The following VIPAS39 variants were observed in gnomAD, a reference collection of about 807,000 sequenced individuals.
VIPAS39 encodes VPS33B interacting protein, apical-basolateral polarity regulator, spe-39 homolog, also known as spermatogenesis-defective protein 39 homolog.
In VIPAS39, 63 loss-of-function variants were observed where a neutral mutation model predicts 84.7. That is an observed-to-expected ratio of 0.74 (90% CI 0.61 to 0.92). The LOEUF (loss-of-function observed/expected upper bound fraction) is 0.92. VIPAS39 is among the 40% of genes least tolerant of loss of function. The pLI is 0.00. For missense variants in VIPAS39, 499 were observed against 604.5 expected (o/e 0.83, Z 1.83); for synonymous variants, 192 against 216.5 (o/e 0.89, Z 0.99).
chr14:77,428,327 C>G, intron 19 of VIPAS39, 43 bp downstream of exon 19: 3 of 1,567,168 alleles, frequency 1.9e-6, no homozygotes, highest in South Asian at 1.1e-5. Context: ...TGTGAACTGT[C>G]TGTCTCCTGA....
intron 11 of VIPAS39, 135 bp from the exon 12 acceptor site, chr14:77,438,016 G>A: frequency 1.2e-6 from 1 of 813,812 alleles, no homozygotes; most frequent in South Asian, 1.5e-5. Context: ...GAGGCGGGTG[G>A]GGGGATAGGC....
In VIPAS39 at chr14:77,427,514, C is replaced by A; in HGVS notation, c.*102G>T. The A allele has an allele frequency of 6.7e-7, 1 of 1,485,446 alleles. No individual in the cohort carries two copies. Among genetic ancestry groups the A allele is most frequent in the East Asian group, 2.3e-5 (1 of 43,938 alleles). The allele number at this position is 1,485,446 out of a possible 1,614,324, so 92.0% of individuals were successfully genotyped here. A position where few individuals can be genotyped will look rare whatever the true frequency, so the allele number is the denominator to read the frequency against. On this transcript the variant is annotated 3_prime_UTR_variant, in exon 20 of 20. Coordinates refer to ENST00000557658, the MANE Select transcript of VIPAS39 (RefSeq NM_001193315.2). ...GCTGGCACTGCCCATGGGTAATGGGCCCAAGCGATGTGATGCCGCAGCTCT... is the reference window on the plus strand; with the variant it reads ...GCTGGCACTGCCCATGGGTAATGGGACCAAGCGATGTGATGCCGCAGCTCT...
rs375063629 is a variant in VIPAS39, at chr14:77,436,053, G to A, written c.837-134C>T. On this transcript the variant is annotated intron_variant, in intron 12 of 19. Transcript: ENST00000557658. ...TCTGATCTCAGTTCACCTTTAGAGC[G>A]TCCCTTAAAGAAAGACATCGCATGA... 2.8e-5 allele frequency: 24 copies of A among 852,004 alleles called. No individual in the cohort carries two copies. The East Asian group carries it at 3.1e-4, about 11-fold the overall frequency. The allele number at this position is 852,004 out of a possible 1,614,324, so 52.8% of individuals were successfully genotyped here.
chr14:77,438,177 A>G (rs2078644330), intron 11 of VIPAS39, among the ~76,000 whole-genome samples: 1 of 152,186 alleles, frequency 6.6e-6, no homozygotes, highest in East Asian at 1.9e-4. Flanking sequence ...AGAACTCAAC[A>G]GCTACATGTG....
Position 77,444,119 on chromosome 14 carries a change from T to G in VIPAS39, c.597+130A>C, listed in dbSNP as rs965019041. On this transcript the variant is annotated intron_variant, in intron 8 of 19. Coordinates refer to ENST00000557658, the MANE Select transcript of VIPAS39 (RefSeq NM_001193315.2). ...CCCTTAAAGCACAGATTACTTAGAA[T>G]CCTACACCTCCAAGGGGAATCCAGG... 4 of 895,490 alleles carry G rather than the reference T, an allele frequency of 4.5e-6. No individual in the cohort carries two copies. The African/African-American group carries it at 6.7e-5, about 15-fold the overall frequency. The allele number at this position is 895,490 out of a possible 1,614,324, so 55.5% of individuals were successfully genotyped here.
intron 16 of VIPAS39, among the ~76,000 whole-genome samples, chr14:77,431,921 A>G (rs1366893541): frequency 1.3e-5 from 2 of 152,236 alleles, no homozygotes; most frequent in African/African-American, 4.8e-5. Flanking sequence ...TCCCTAAAAA[A>G]TAGCCAAGAT....
intron 2 of VIPAS39, 110 bp from the exon 3 acceptor site, chr14:77,453,511 C>G (rs1478893554): frequency 2.4e-5 from 24 of 998,374 alleles, no homozygotes; most frequent in Non-Finnish European, 3.4e-5. Context: ...CAACACTCGC[C>G]CTGTGCAATC....
At chr14:77,443,209 A>C in intron 8 of VIPAS39, 57 bp from the exon 9 acceptor site, 1 of 1,602,922 alleles carries the variant, frequency 6.2e-7, no homozygotes, top group Non-Finnish European at 8.5e-7. Flanking sequence ...TCATGCCCTG[A>C]GCACTACAGA....
intron 7 of VIPAS39, among the ~76,000 whole-genome samples, chr14:77,444,999 C>T (rs1379607278): frequency 6.6e-6 from 1 of 151,418 alleles, no homozygotes; most frequent in Non-Finnish European, 1.5e-5. Context: ...CGCTCTGTCG[C>T]CCAGGTTGGA....
At chr14:77,453,039 T>C (rs537484101) in intron 3 of VIPAS39, among the ~76,000 whole-genome samples, 21 of 152,274 alleles carry the variant, frequency 1.4e-4, no homozygotes, top group Admixed American at 3.9e-4. Context: ...GTATGTCATT[T>C]TAACAAGCAC....
At chr14:77,454,933 G>A (rs1319832908) in intron 1 of VIPAS39, among the ~76,000 whole-genome samples, 2 of 150,508 alleles carry the variant, frequency 1.3e-5, no homozygotes, top group Non-Finnish European at 2.9e-5. Context: ...TACAGTGAAT[G>A]AACAAATATT....
intron 7 of VIPAS39, 84 bp from the exon 8 acceptor site, chr14:77,444,425 A>G: frequency 1.7e-6 from 2 of 1,185,152 alleles, no homozygotes; most frequent in South Asian, 2.6e-5. Context: ...ATAAGCAATA[A>G]TGAAACAAAA....
Position 77,435,335 on chromosome 14 carries a change from C to A in VIPAS39, c.971G>T (p.Arg324Leu). The A allele has an allele frequency of 1.3e-6, 2 of 1,595,172 alleles. No homozygotes were observed. Among genetic ancestry groups the A allele is most frequent in the African/African-American group, 1.4e-5 (1 of 72,850 alleles). Residue 324 changes from arginine (R) to leucine (L), a missense_variant, in exon 14 of 20, where the codon CGC becomes CTC. Transcript: ENST00000557658. ...TGGCATGTTGAGGATGGAGGCTTTG[C>A]GGGGGTGCTTTCGGAAGATCTCAGT... ...GQTEIFRKHP[R>L]KASILNMPLV... is the part of the protein sequence containing the mutation.
chr14:77,442,685 G>C, intron 9 of VIPAS39, 23 bp from the exon 10 acceptor site: 1 of 1,609,324 alleles, frequency 6.2e-7, no homozygotes, highest in Non-Finnish European at 8.5e-7. Flanking sequence ...CAGGAGTTAA[G>C]TTGAGAAAGA....
chr14:77,446,379 C>T (rs1427577750), intron 7 of VIPAS39, among the ~76,000 whole-genome samples: 1 of 152,160 alleles, frequency 6.6e-6, no homozygotes, highest in Admixed American at 6.6e-5. Context: ...TCACAGCTCA[C>T]TGCAGCCTCA....
Position 77,457,478 on chromosome 14 carries a change from G to T in VIPAS39, c.-1+17C>A, listed in dbSNP as rs2078980176. ...TCCAGCCAGATACGCGACCCAAGGG[G>T]CTTGGGACACCCTCACCTCTTCCGC... On this transcript the variant is annotated intron_variant, in intron 1 of 19. Transcript: ENST00000557658. 7.4e-7 allele frequency: 1 copy of T among 1,356,496 alleles called. No individual in the cohort carries two copies. The highest frequency in any genetic ancestry group is 1.0e-6 in the Non-Finnish European group (1 of 986,994). 84.0% of individuals were successfully genotyped at this position (1,356,496 alleles called of 1,614,324 possible).
chr14:77,430,993 GA>G (rs2078513913), intron 16 of VIPAS39, among the ~76,000 whole-genome samples: 1 of 152,080 alleles, frequency 6.6e-6, no homozygotes, highest in African/African-American at 2.4e-5. Context: ...ACATGCAAAA[GA>G]ATGAAATTAG....
At chr14:77,430,338 T>A (rs903579445) in intron 16 of VIPAS39, among the ~76,000 whole-genome samples, 4 of 152,212 alleles carry the variant, frequency 2.6e-5, no homozygotes, top group African/African-American at 4.8e-5. Context: ...AAACCCATAA[T>A]GGAAAAACAG....
At chr14:77,449,473 T>C (rs2078848723) in intron 5 of VIPAS39, 116 bp from the exon 6 acceptor site, 1 of 1,384,138 alleles carries the variant, frequency 7.2e-7, no homozygotes, top group Admixed American at 1.8e-5. Flanking sequence ...ATGTTAACTT[T>C]ATGGCCAAAA....
Sources: allele counts gnomAD v4.1 joint callset (sites outside exome capture counted in the v4.1 genomes callset), GRCh38; gene constraint gnomAD v4.1.1; transcripts MANE v1.5; gene names NCBI Gene and HGNC (gene_info 2026-07-23, HGNC 2026-07-21).